The following SFXN1 variants were observed in gnomAD, a reference collection of about 807,000 sequenced individuals.
SFXN1 encodes sideroflexin-1.
A neutral mutation model predicts 39.5 loss-of-function variants in SFXN1; 32 were observed. The observed-to-expected ratio is 0.81, with a 90% CI of 0.61 to 1.09. The LOEUF is 1.09. Ranked by LOEUF, SFXN1 falls within the 50% of genes least tolerant of loss-of-function variation. The pLI, the probability that SFXN1 is intolerant of heterozygous loss-of-function variation, is 0.00. For missense variants in SFXN1, 402 were observed against 407.1 expected (o/e 0.99, Z 0.11); for synonymous variants, 136 against 146.5 (o/e 0.93, Z 0.52).
At chr5:175,504,564 A>T in intron 2 of SFXN1, among the ~76,000 whole-genome samples, 1 of 148,842 alleles carries the variant, frequency 6.7e-6, no homozygotes, top group African/African-American at 2.5e-5. Flanking sequence ...ACAGAGCAAG[A>T]CTCCATCTCA....
At chr5:175,521,166 T>G (rs1466232342) in intron 8 of SFXN1, among the ~76,000 whole-genome samples, 1 of 152,082 alleles carries the variant, frequency 6.6e-6, no homozygotes, top group Non-Finnish European at 1.5e-5. Context: ...CTCTTTATAT[T>G]GTGTATTTAA....
At chr5:175,523,326 T>C (rs1181464076) in intron 10 of SFXN1, 2 of 152,232 alleles carry the variant, frequency 1.3e-5, no homozygotes, top group Non-Finnish European at 2.9e-5. Context: ...CCTTCAGAAC[T>C]TGCTCTGGGA....
At chr5:175,504,055 G>C (rs752575554) in intron 2 of SFXN1, among the ~76,000 whole-genome samples, 1 of 150,582 alleles carries the variant, frequency 6.6e-6, no homozygotes, top group Non-Finnish European at 1.5e-5. Flanking sequence ...AAGAAAAGAG[G>C]GGGGTGGGGG....
chr5:175,491,149 C>G (rs1023377732), intron 1 of SFXN1, among the ~76,000 whole-genome samples: 1 of 152,100 alleles, frequency 6.6e-6, no homozygotes, highest in Admixed American at 6.5e-5. Flanking sequence ...GCTCTTTAGC[C>G]AGAAAATAAA....
chr5:175,500,978 AT>A (rs1234942869), intron 2 of SFXN1, among the ~76,000 whole-genome samples: 2 of 152,096 alleles, frequency 1.3e-5, no homozygotes, highest in African/African-American at 4.8e-5. Context: ...CTTGAAATGG[AT>A]AGTAGACCTA....
At chr5:175,501,553 G>A (rs1009400725) in intron 2 of SFXN1, among the ~76,000 whole-genome samples, 2 of 152,030 alleles carry the variant, frequency 1.3e-5, no homozygotes, top group African/African-American at 2.4e-5. Flanking sequence ...CTTGTATCTC[G>A]TAAAGGATTT....
intron 7 of SFXN1, chr5:175,513,886 C>A: frequency 3.8e-6 from 1 of 262,542 alleles, no homozygotes; most frequent in Admixed American, 4.5e-5. Context: ...GAACCACAGG[C>A]AGGAGTTTGC....
intron 3 of SFXN1, 33 bp from the exon 4 acceptor site, chr5:175,510,076 A>T (rs769404806): frequency 1.3e-6 from 2 of 1,578,288 alleles, no homozygotes; most frequent in South Asian, 1.1e-5. Flanking sequence ...GGGCCCAGTG[A>T]TGGTGGGTAT....
chr5:175,510,302 T>A, intron 4 of SFXN1, 95 bp downstream of exon 4: 1 of 962,764 alleles, frequency 1.0e-6, no homozygotes, highest in Non-Finnish European at 1.6e-6. Flanking sequence ...TATGTGTGCA[T>A]ATTTTTATAT....
intron 2 of SFXN1, among the ~76,000 whole-genome samples, chr5:175,503,897 G>A (rs183793302): frequency 6.6e-5 from 10 of 150,874 alleles, no homozygotes; most frequent in Middle Eastern, 3.4e-3. Context: ...CCAGCTACTC[G>A]GGAGGCTGAG....
At chr5:175,509,744 C>T (rs917168486) in intron 3 of SFXN1, among the ~76,000 whole-genome samples, 6 of 152,240 alleles carry the variant, frequency 3.9e-5, no homozygotes, top group Non-Finnish European at 5.9e-5. Context: ...AGACATATAG[C>T]ATTGCAAGTG....
intron 7 of SFXN1, among the ~76,000 whole-genome samples, chr5:175,515,215 G>T (rs1187874405): frequency 6.6e-6 from 1 of 152,062 alleles, no homozygotes; most frequent in Non-Finnish European, 1.5e-5. Context: ...CAGGGTTTTG[G>T]TATGTTGCCC....
intron 8 of SFXN1, among the ~76,000 whole-genome samples, chr5:175,518,819 A>G (rs1007770788): frequency 2.6e-5 from 4 of 152,248 alleles, no homozygotes; most frequent in African/African-American, 9.6e-5. Context: ...AGAAAATACA[A>G]TAGAACACGG....
rs146188637 is a variant in SFXN1, at chr5:175,479,242, A to T, written c.-10+603A>T. On this transcript the variant is annotated intron_variant, in intron 1 of 10. Coordinates refer to ENST00000321442, the MANE Select transcript of SFXN1 (RefSeq NM_022754.7). ...CTTTCACGTCTGTCACAGGTCTCTA[A>T]CCTGCCCAGAATGACAATAAACAGT... is the stretch of plus-strand genomic sequence containing the variant. Among the ~76,000 whole-genome samples, 312 of 152,316 alleles carry T rather than the reference A, an allele frequency of 2.0e-3. 3 individuals are homozygous for T. Among genetic ancestry groups the T allele is most frequent in the African/African-American group, 6.9e-3 (287 of 41,568 alleles).
chr5:175,509,819 C>A (rs1486452683), intron 3 of SFXN1, among the ~76,000 whole-genome samples: 3 of 152,284 alleles, frequency 2.0e-5, no homozygotes, highest in East Asian at 1.9e-4. Flanking sequence ...GAGAAGGGAT[C>A]TGGCATTTAT....
rs573062253 is a variant in SFXN1 at position 175,527,198 on chromosome 5, C to T, written c.*464C>T. The stretch of plus-strand genomic sequence containing the variant: ...GAAAATACAAAAGCTCTGGGCTAAT[C>T]TATAAAAACTTACCCTGAAATATTA... On this transcript the variant is annotated 3_prime_UTR_variant, in exon 11 of 11. Coordinates refer to ENST00000321442, the MANE Select transcript of SFXN1 (RefSeq NM_022754.7). The T allele has an allele frequency of 1.4e-5, 2 of 141,370 alleles. No homozygotes were observed. The highest frequency in any genetic ancestry group is 4.0e-4 in the East Asian group (2 of 4,950). The allele number at this position is 141,370 out of a possible 1,614,324, so 8.8% of individuals were successfully genotyped here.
chr5:175,524,124 AAATATATATATATATAT>A (rs1427581305), intron 10 of SFXN1: 77 of 24,998 alleles, frequency 3.1e-3, no homozygotes, highest in African/African-American at 0.013. Context: ...AAAAAAAAAA[AAATATATATATATATAT>A]ATATATATAT....
intron 2 of SFXN1, among the ~76,000 whole-genome samples, chr5:175,498,721 T>C (rs1345921366): frequency 2.0e-5 from 3 of 152,114 alleles, no homozygotes; most frequent in African/African-American, 7.2e-5. Context: ...CTGTATAGCT[T>C]TTTTGCTAAA....
At chr5:175,522,071 G>A in intron 9 of SFXN1, 103 bp downstream of exon 9, 1 of 962,240 alleles carries the variant, frequency 1.0e-6, no homozygotes, top group Admixed American at 2.3e-5. Context: ...TGAAAATGAG[G>A]CCATCTCAGA....
Sources: gnomAD v4.1 joint callset for allele counts (sites outside exome capture counted in the v4.1 genomes callset) on GRCh38, gnomAD v4.1.1 for gene constraint, MANE v1.5 for transcripts, NCBI Gene and HGNC (gene_info 2026-07-23, HGNC 2026-07-21) for gene names.